GOLM2: variants seen among roughly 807,000 people sequenced by gnomAD.
GOLM2 encodes golgi membrane protein 2, also known as protein GOLM2.
GOLM2 carries 26 observed loss-of-function variants against 55.9 expected under a neutral mutation model. The ratio of observed to expected loss-of-function variants is 0.47; its 90% confidence interval spans 0.34 to 0.65. The LOEUF is 0.65. Among genes scored for constraint, GOLM2 ranks in the 30% least tolerant of loss-of-function variants. GOLM2 has a pLI of 0.01. For synonymous variants in GOLM2, 165 were observed against 194.6 expected (o/e 0.85, Z 1.27); for missense variants, 486 against 531.8 (o/e 0.91, Z 0.85).
intron 3 of GOLM2, among the ~76,000 whole-genome samples, chr15:44,330,450 T>C (rs1480445716): frequency 1.4e-5 from 2 of 144,086 alleles, no homozygotes; most frequent in African/African-American, 5.2e-5. Context: ...GAGGCAGAGG[T>C]TGTAGTGAGC....
intron 8 of GOLM2, 64 bp downstream of exon 8, chr15:44,381,040 C>A: frequency 1.1e-6 from 1 of 951,700 alleles, no homozygotes; most frequent in South Asian, 3.1e-5. Context: ...GAATTAAGGT[C>A]TTCATTATTC....
intron 8 of GOLM2, among the ~76,000 whole-genome samples, 153 bp downstream of exon 8, chr15:44,381,129 A>T (rs2079399384): frequency 6.6e-6 from 1 of 152,240 alleles, no homozygotes; most frequent in Non-Finnish European, 1.5e-5. Context: ...AAGGAAATAC[A>T]GGTTTTAAAT....
chr15:44,344,287 G>GTATA (rs143483392), intron 6 of GOLM2, among the ~76,000 whole-genome samples: 1,674 of 138,292 alleles, frequency 0.012, 37 homozygotes, highest in East Asian at 0.085. Flanking sequence ...ATATGTGTGT[G>GTATA]TATATATATA....
intron 1 of GOLM2, among the ~76,000 whole-genome samples, chr15:44,304,160 C>T (rs1221678875): frequency 2.0e-5 from 3 of 151,290 alleles, no homozygotes; most frequent in Non-Finnish European, 4.4e-5. Flanking sequence ...AGGCATAAAC[C>T]ACCATGCCTG....
In GOLM2 at chr15:44,293,434, T is replaced by A. The variant is rs1595609839; in HGVS notation, c.327+4078T>A. Among the ~76,000 whole-genome samples, 3 of 152,338 alleles carry A rather than the reference T, an allele frequency of 2.0e-5. No homozygotes were observed. In the South Asian group the frequency reaches 6.2e-4, roughly 32 times the overall value. ...CTGCTGTCCTTTTTTAATTCCAGGA[T>A]CTCATCCAGAGTTACGTTACATTTA... On this transcript the variant is annotated intron_variant, in intron 1 of 9. Transcript: ENST00000299957.
chr15:44,289,065 C>T lies in GOLM2; in HGVS notation c.36C>T (p.Arg12=). The change falls in exon 1 of 10, where the codon CGC becomes CGT. Residue 12 remains arginine, a synonymous_variant. Transcript: ENST00000299957. The surrounding 1 kb of genome is among the most constrained non-coding windows in gnomAD (Gnocchi z 4.8). Reference sequence around the variant, plus strand: ...TCGGGGCCAACCGGCGGGCTGGCCGCCTGCCCTCTCTCGTGCTGGTGGTGC... The same window carrying T: ...TCGGGGCCAACCGGCGGGCTGGCCGTCTGCCCTCTCTCGTGCTGGTGGTGC... The part of the protein sequence containing the change: ...VGFGANRRAG[R]LPSLVLVVLL... The T allele has an allele frequency of 1.9e-6, 3 of 1,613,924 alleles. No homozygotes were observed. Among genetic ancestry groups the T allele is most frequent in the Non-Finnish European group, 2.5e-6 (3 of 1,179,918 alleles).
intron 3 of GOLM2, among the ~76,000 whole-genome samples, chr15:44,329,536 T>C (rs2079007447): frequency 6.6e-6 from 1 of 152,216 alleles, no homozygotes; most frequent in Admixed American, 6.5e-5. Context: ...AGCATATTAA[T>C]GTACCAAAAC....
intron 6 of GOLM2, among the ~76,000 whole-genome samples, chr15:44,377,626 G>A (rs963117596): frequency 5.9e-5 from 9 of 151,978 alleles, no homozygotes; most frequent in African/African-American, 1.7e-4. Context: ...CACATGCCTC[G>A]GTCTTTCAAA....
chr15:44,366,517 C>A (rs910769182), intron 6 of GOLM2, among the ~76,000 whole-genome samples: 2 of 152,000 alleles, frequency 1.3e-5, no homozygotes, highest in Non-Finnish European at 2.9e-5. Context: ...GCCTGTAGTC[C>A]CAGCTACTTG....
At chr15:44,312,157 G>C (rs1237145952) in intron 1 of GOLM2, among the ~76,000 whole-genome samples, 1 of 152,034 alleles carries the variant, frequency 6.6e-6, no homozygotes, top group East Asian at 1.9e-4. Context: ...CTGAGATTTT[G>C]TTTCAATTTA....
At chr15:44,327,860 T>G (rs1567026374) in intron 2 of GOLM2, among the ~76,000 whole-genome samples, 1 of 152,208 alleles carries the variant, frequency 6.6e-6, no homozygotes, top group Non-Finnish European at 1.5e-5. Flanking sequence ...ACTAAAAAAA[T>G]TCAGTCCTAG....
At chr15:44,394,765 C>T (rs962776103) in intron 8 of GOLM2, among the ~76,000 whole-genome samples, 1 of 152,160 alleles carries the variant, frequency 6.6e-6, no homozygotes, top group South Asian at 2.1e-4. Context: ...GTGTCATTTA[C>T]CTTCAGGGTA....
chr15:44,333,832 C>T (rs932494716), intron 4 of GOLM2, among the ~76,000 whole-genome samples: 1 of 152,096 alleles, frequency 6.6e-6, no homozygotes, highest in African/African-American at 2.4e-5. Context: ...TCTCCTGCCT[C>T]AGCCTTCCGA....
chr15:44,412,232 T>A (rs2141222820), intron 9 of GOLM2, among the ~76,000 whole-genome samples: 1 of 152,224 alleles, frequency 6.6e-6, no homozygotes, highest in East Asian at 1.9e-4. Flanking sequence ...ACCTGTAATT[T>A]GCAGCAAAAT....
At chr15:44,290,823 C>T (rs963528877) in intron 1 of GOLM2, among the ~76,000 whole-genome samples, 4 of 151,918 alleles carry the variant, frequency 2.6e-5, no homozygotes, top group African/African-American at 4.8e-5. Flanking sequence ...TTTTTTGAGA[C>T]GGAGTTTTGT....
In GOLM2 at chr15:44,379,105, T is replaced by A. The variant is rs547913988; in HGVS notation, c.803-585T>A. On this transcript the variant is annotated intron_variant, in intron 6 of 9. Coordinates refer to ENST00000299957, the MANE Select transcript of GOLM2 (RefSeq NM_138423.4). ...TCTTACATGCTAGGCATGTTCTAGA[T>A]GTTGGGGATATAGTGGTGACGAAGA... 2.6e-5 allele frequency among the ~76,000 whole-genome samples: 4 copies of A among 152,292 alleles called. No homozygotes were observed. The East Asian group carries it at 7.7e-4, about 29-fold the overall frequency.
At chr15:44,344,133 G>A (rs966794302) in intron 6 of GOLM2, among the ~76,000 whole-genome samples, 3 of 151,196 alleles carry the variant, frequency 2.0e-5, no homozygotes, top group Admixed American at 6.6e-5. Flanking sequence ...GGTGGCACAC[G>A]CCTGTAGTCT....
intron 1 of GOLM2, among the ~76,000 whole-genome samples, chr15:44,310,468 ATG>A (rs1239681926): frequency 0.026 from 3,549 of 135,186 alleles, 69 homozygotes; most frequent in East Asian, 0.1. Flanking sequence ...ATATATATAT[ATG>A]TATATATATA....
At chr15:44,389,099 G>A (rs940681563) in intron 8 of GOLM2, among the ~76,000 whole-genome samples, 2 of 152,060 alleles carry the variant, frequency 1.3e-5, no homozygotes, top group African/African-American at 4.8e-5. Context: ...TTACAGGCGT[G>A]AGCCACCACG....
Sources: gnomAD v4.1 joint callset for allele counts (sites outside exome capture counted in the v4.1 genomes callset) on GRCh38, gnomAD v4.1.1 for gene constraint, Gnocchi (gnomAD v3.1) non-coding constraint, MANE v1.5 for transcripts, NCBI Gene and HGNC (gene_info 2026-07-23, HGNC 2026-07-21) for gene names.